Variants in ANKS1B observed in about 807,000 individuals in gnomAD.
The protein encoded by ANKS1B is ankyrin repeat and sterile alpha motif domain containing 1B, also known as ankyrin repeat and sterile alpha motif domain-containing protein 1B.
In ANKS1B, 36 loss-of-function variants were observed where a neutral mutation model predicts 148.3. The observed-to-expected ratio is 0.24, with a 90% CI of 0.19 to 0.32. The LOEUF is 0.32. Ranked by LOEUF, ANKS1B falls within the 10% of genes least tolerant of loss-of-function variation. The pLI is 1.00. For missense variants in ANKS1B, 1,157 were observed against 1,542.6 expected (o/e 0.75, Z 4.19); for synonymous variants, 542 against 560.8 (o/e 0.97, Z 0.47).
At chr12:99,963,840 T>C (rs1456417171) in intron 1 of ANKS1B, among the ~76,000 whole-genome samples, 2 of 152,166 alleles carry the variant, frequency 1.3e-5, no homozygotes, top group Non-Finnish European at 2.9e-5. Context: ...TTTATGACAT[T>C]TTAAAAATCA....
At chr12:99,465,506 TAA>T (rs2096086184) in intron 10 of ANKS1B, among the ~76,000 whole-genome samples, 2 of 152,078 alleles carry the variant, frequency 1.3e-5, no homozygotes, top group South Asian at 4.2e-4. Flanking sequence ...GCAAATTGGA[TAA>T]AGAGTCAAGA....
chr12:99,376,115 G>C (rs2093381442), intron 12 of ANKS1B, among the ~76,000 whole-genome samples: 1 of 152,168 alleles, frequency 6.6e-6, no homozygotes, highest in Non-Finnish European at 1.5e-5. Flanking sequence ...CTGAACTTTA[G>C]TGTTTGCTTA....
At chr12:99,381,887 C>T (rs73151154) in intron 12 of ANKS1B, among the ~76,000 whole-genome samples, 16,182 of 152,180 alleles carry the variant, frequency 0.11, 868 homozygotes, top group Non-Finnish European at 0.12. Context: ...GATGATAAAA[C>T]AAAACAGTAC....
chr12:99,730,148 C>T (rs1166256800), intron 8 of ANKS1B, among the ~76,000 whole-genome samples: 1 of 152,186 alleles, frequency 6.6e-6, no homozygotes, highest in African/African-American at 2.4e-5. Flanking sequence ...TACTGTGGTG[C>T]TTAAATTGTT....
At chr12:99,210,199 G>A (rs1343814543) in intron 14 of ANKS1B, among the ~76,000 whole-genome samples, 1 of 152,086 alleles carries the variant, frequency 6.6e-6, no homozygotes, top group Non-Finnish European at 1.5e-5. Context: ...AAATCAGCCA[G>A]AAGCCCCTCT....
chr12:99,255,969 C>T (rs1236925619), intron 12 of ANKS1B, among the ~76,000 whole-genome samples: 4 of 152,086 alleles, frequency 2.6e-5, no homozygotes, highest in Non-Finnish European at 5.9e-5. Context: ...ATTAATGGAA[C>T]TCTTAAACTC....
chr12:99,015,759 G>A (rs974360916), intron 17 of ANKS1B, among the ~76,000 whole-genome samples: 7 of 152,102 alleles, frequency 4.6e-5, no homozygotes, highest in African/African-American at 7.2e-5. Context: ...CCAGCTACTC[G>A]GGAGGCTGAG....
At position 99,806,527 on chromosome 12, in the gene ANKS1B, A is replaced by G; in HGVS notation, c.546T>C (p.Ser182=). 6.2e-7 allele frequency: 1 copy of G among 1,613,938 alleles called. No homozygotes were observed. Among genetic ancestry groups the G allele is most frequent in the Non-Finnish European group, 8.5e-7 (1 of 1,179,880 alleles). ...GRLRVVKMII[S]AHPNLMSCNT... is the part of the protein sequence containing the mutation. ...TGCAGCTCATTAAGTTAGGATGTGC[A>G]CTGATGATCATTTTTACCACTCTAA... Residue 182 remains serine (S), a synonymous_variant, in exon 4 of 27, where the codon AGT becomes AGC. Coordinates refer to ENST00000683438, the MANE Select transcript of ANKS1B (RefSeq NM_001352186.2).
chr12:99,016,059 A>G (rs555968926), intron 17 of ANKS1B, among the ~76,000 whole-genome samples: 1 of 152,138 alleles, frequency 6.6e-6, no homozygotes, highest in African/African-American at 2.4e-5. Context: ...TTCTTCACAA[A>G]CCAGTTTATT....
At chr12:99,962,975 G>A (rs1027118506) in intron 1 of ANKS1B, among the ~76,000 whole-genome samples, 8 of 152,014 alleles carry the variant, frequency 5.3e-5, no homozygotes, top group African/African-American at 7.2e-5. Flanking sequence ...CACCACACCC[G>A]GAGAATTTTT....
intron 8 of ANKS1B, among the ~76,000 whole-genome samples, chr12:99,677,832 G>A (rs545442421): frequency 1.6e-4 from 24 of 151,952 alleles, no homozygotes; most frequent in Non-Finnish European, 2.9e-4. Context: ...AATTAGCCGG[G>A]CGTGGTGGCA....
Position 99,292,326 on chromosome 12 carries a change from CTAAAAATAAAAA to C in ANKS1B, c.1757-45474_1757-45463del, listed in dbSNP as rs60100516. On this transcript the variant is annotated intron_variant, in intron 12 of 26. Coordinates refer to ENST00000683438, the MANE Select transcript of ANKS1B (RefSeq NM_001352186.2). ...GCTAACACAGTGAACCCCATCTCTA[CTAAAAATAAAAA>C]TAAAAATAAAAATAAAAATAAAAAT... 5.1e-3 allele frequency among the ~76,000 whole-genome samples: 707 copies of C among 139,552 alleles called. 2 individuals carry two copies. Among genetic ancestry groups the C allele is most frequent in the African/African-American group, 0.01 (349 of 34,506 alleles). The allele number at this position is 139,552 out of a possible 152,430, so 91.6% of individuals were successfully genotyped here. A position where few individuals can be genotyped will look rare whatever the true frequency, so the allele number is the denominator to read the frequency against.
chr12:99,173,677 G>C (rs2078049174), intron 14 of ANKS1B, among the ~76,000 whole-genome samples: 1 of 151,978 alleles, frequency 6.6e-6, no homozygotes, highest in African/African-American at 2.4e-5. Flanking sequence ...AAAGTCTGGG[G>C]GTAGAAAAAG....
intron 8 of ANKS1B, among the ~76,000 whole-genome samples, chr12:99,724,470 G>T (rs1027121557): frequency 2.0e-5 from 3 of 152,108 alleles, no homozygotes; most frequent in African/African-American, 4.8e-5. Flanking sequence ...AGAATGAAAA[G>T]GAATGAACAA....
chr12:99,934,534 C>G (rs1030960952), intron 1 of ANKS1B, among the ~76,000 whole-genome samples: 42 of 152,072 alleles, frequency 2.8e-4, no homozygotes, highest in African/African-American at 8.9e-4. Context: ...TTTCTTCTAA[C>G]TATTCCAATT....
chr12:99,646,652 C>CAAAAAAA (rs35481645), intron 9 of ANKS1B, among the ~76,000 whole-genome samples: 4 of 35,902 alleles, frequency 1.1e-4, no homozygotes, highest in South Asian at 1.9e-3. Flanking sequence ...GACTCCATCT[C>CAAAAAAA]AAAAAAAAAA....
chr12:99,827,571 G>C (rs532320898), intron 1 of ANKS1B, among the ~76,000 whole-genome samples: 113 of 152,314 alleles, frequency 7.4e-4, no homozygotes, highest in Non-Finnish European at 1.5e-3. Flanking sequence ...GGGTAACTCT[G>C]TGAGAGGTGG....
chr12:99,201,638 T>A (rs969855651), intron 14 of ANKS1B, among the ~76,000 whole-genome samples: 1 of 152,154 alleles, frequency 6.6e-6, no homozygotes, highest in African/African-American at 2.4e-5. Flanking sequence ...GCATGATAAA[T>A]TTTGCATGTA....
intron 12 of ANKS1B, among the ~76,000 whole-genome samples, chr12:99,250,702 A>ACTC (rs3079448): frequency 6.6e-6 from 1 of 152,114 alleles, no homozygotes; most frequent in African/African-American, 2.4e-5. Context: ...TGAAAATATA[A>ACTC]ACTATATCCC....
Sources: allele counts gnomAD v4.1 joint callset (sites outside exome capture counted in the v4.1 genomes callset), GRCh38; gene constraint gnomAD v4.1.1; transcripts MANE v1.5; gene names NCBI Gene and HGNC (gene_info 2026-07-23, HGNC 2026-07-21).